Variants in DLG2 observed in about 807,000 individuals in gnomAD.
DLG2 encodes the protein discs large MAGUK scaffold protein 2.
In DLG2, 45 loss-of-function variants were observed where a neutral mutation model predicts 132.5. That is an observed-to-expected ratio of 0.34 (90% CI 0.27 to 0.44). DLG2 has a LOEUF of 0.44. DLG2 is among the 20% of genes least tolerant of loss of function. DLG2 has a pLI of 1.00. For missense variants in DLG2, 1,045 were observed against 1,196.9 expected (o/e 0.87, Z 1.87); for synonymous variants, 424 against 419.6 (o/e 1.01, Z -0.13).
chr11:85,235,207 T>C (rs2075519421), intron 4 of DLG2, among the ~76,000 whole-genome samples: 1 of 151,338 alleles, frequency 6.6e-6, no homozygotes, highest in Admixed American at 6.6e-5. Context: ...TAATAATTCA[T>C]TTCAAAAGTT....
At chr11:83,695,410 A>C (rs2081720934) in intron 18 of DLG2, among the ~76,000 whole-genome samples, 1 of 152,216 alleles carries the variant, frequency 6.6e-6, no homozygotes, top group Non-Finnish European at 1.5e-5. Flanking sequence ...GGGAGAAATT[A>C]TGTGTGGGGA....
chr11:85,556,715 A>C (rs1489329534), intron 3 of DLG2, among the ~76,000 whole-genome samples: 1 of 151,816 alleles, frequency 6.6e-6, no homozygotes, highest in Non-Finnish European at 1.5e-5. Flanking sequence ...TTTTAAGCCC[A>C]CCTATGTTCA....
intron 16 of DLG2, among the ~76,000 whole-genome samples, chr11:83,837,723 C>CAA (rs386374350): frequency 0.53 from 24,274 of 46,218 alleles, 6,820 homozygotes; most frequent in South Asian, 0.65. Context: ...ACATAGCAAG[C>CAA]AAAAAAAAAA....
chr11:83,644,767 T>A (rs1402509247), intron 18 of DLG2, among the ~76,000 whole-genome samples: 1 of 152,048 alleles, frequency 6.6e-6, no homozygotes, highest in Admixed American at 6.6e-5. Flanking sequence ...TTCTAAAAAA[T>A]TGTTCCCCTA....
intron 7 of DLG2, among the ~76,000 whole-genome samples, chr11:84,435,141 A>G (rs1337212847): frequency 1.3e-5 from 2 of 152,128 alleles, no homozygotes; most frequent in Non-Finnish European, 2.9e-5. Context: ...AGCACTTTAC[A>G]TGCCCCACTG....
chr11:84,545,334 A>T, intron 6 of DLG2: 1 of 515,892 alleles, frequency 1.9e-6, no homozygotes, highest in Non-Finnish European at 3.8e-6. Flanking sequence ...CACCTCTAAA[A>T]CTGCTTCCAT....
At chr11:83,653,180 TATC>T (rs1164885678) in intron 18 of DLG2, among the ~76,000 whole-genome samples, 1 of 152,208 alleles carries the variant, frequency 6.6e-6, no homozygotes, top group African/African-American at 2.4e-5. Flanking sequence ...TAGTCCCAAT[TATC>T]ATAATGATTT....
At chr11:83,682,626 C>T (rs1052014174) in intron 18 of DLG2, among the ~76,000 whole-genome samples, 1 of 152,126 alleles carries the variant, frequency 6.6e-6, no homozygotes, top group Non-Finnish European at 1.5e-5. Flanking sequence ...AATGCACATA[C>T]AGCAAGGCGT....
intron 10 of DLG2, among the ~76,000 whole-genome samples, chr11:84,081,221 T>G (rs188242000): frequency 1.1e-4 from 17 of 152,256 alleles, no homozygotes; most frequent in Non-Finnish European, 1.8e-4. Flanking sequence ...CAAAAATGAT[T>G]TGGGCCAAAT....
intron 16 of DLG2, among the ~76,000 whole-genome samples, chr11:83,846,589 ATCTG>A (rs1428242611): frequency 6.6e-6 from 1 of 152,156 alleles, no homozygotes; most frequent in Non-Finnish European, 1.5e-5. Flanking sequence ...AACTGCTAAG[ATCTG>A]TCTGAGTTCT....
chr11:83,571,453 A>G (rs1356472743), intron 19 of DLG2, among the ~76,000 whole-genome samples: 1 of 152,084 alleles, frequency 6.6e-6, no homozygotes, highest in African/African-American at 2.4e-5. Flanking sequence ...AACACTTTAC[A>G]TGACTTTCTG....
intron 3 of DLG2, among the ~76,000 whole-genome samples, chr11:85,446,446 A>G (rs2092013301): frequency 6.6e-6 from 1 of 152,212 alleles, no homozygotes; most frequent in Non-Finnish European, 1.5e-5. Context: ...AATTCTTGTA[A>G]TAAGATAACA....
chr11:84,882,899 G>C lies in DLG2; in HGVS notation c.357+228762C>G, dbSNP rs573292921. On this transcript the variant is annotated intron_variant, in intron 6 of 27. Transcript: ENST00000376104. ...TGACTAAATCCACACTCCTAAGTGA[G>C]AATTGTATACAGAATTTTCAATAGG... is the stretch of plus-strand genomic sequence containing the variant. Among the ~76,000 whole-genome samples the C allele has an allele frequency of 7.2e-5, 11 of 152,152 alleles. No homozygotes were observed. The South Asian group carries it at 2.3e-3, about 32-fold the overall frequency.
chr11:85,548,742 G>A lies in DLG2; in HGVS notation c.40+49915C>T, dbSNP rs552633225. Among the ~76,000 whole-genome samples, 88 of 152,216 alleles carry A rather than the reference G, an allele frequency of 5.8e-4. 2 individuals are homozygous for A. The highest frequency in any genetic ancestry group is 2.3e-3 in the South Asian group (11 of 4,818). On this transcript the variant is annotated intron_variant, in intron 3 of 27. Coordinates refer to ENST00000376104, the MANE Select transcript of DLG2 (RefSeq NM_001142699.3). ...GGCCACAGTGGCCTTGCTGAGCTGC[G>A]GTGGGCTCCCCACAATTTGAACTTC...
chr11:84,860,912 A>G (rs1348272722), intron 6 of DLG2, among the ~76,000 whole-genome samples: 11 of 152,154 alleles, frequency 7.2e-5, no homozygotes, highest in Admixed American at 4.6e-4. Flanking sequence ...TGAAAAAAAA[A>G]ATAAGCTTTG....
intron 8 of DLG2, among the ~76,000 whole-genome samples, chr11:84,248,068 A>C (rs1567058478): frequency 6.6e-6 from 1 of 152,200 alleles, no homozygotes; most frequent in Non-Finnish European, 1.5e-5. Flanking sequence ...GAGGAAAACA[A>C]AGTATAGAAC....
intron 4 of DLG2, among the ~76,000 whole-genome samples, chr11:85,232,144 T>C (rs1370118194): frequency 6.6e-6 from 1 of 151,946 alleles, no homozygotes; most frequent in African/African-American, 2.4e-5. Flanking sequence ...CCAATAAAAC[T>C]TGTCTTATAT....
At chr11:84,166,542 G>GA (rs2095670276) in intron 8 of DLG2, among the ~76,000 whole-genome samples, 1 of 133,174 alleles carries the variant, frequency 7.5e-6, no homozygotes, top group Non-Finnish European at 1.7e-5. Flanking sequence ...AAGAAAGAAA[G>GA]AAAAAAACAA....
chr11:84,843,569 C>T (rs930172055), intron 6 of DLG2, among the ~76,000 whole-genome samples: 7 of 151,810 alleles, frequency 4.6e-5, no homozygotes, highest in South Asian at 2.1e-4. Context: ...CAGGAACCCT[C>T]CCAGACACCA....
Sources: gnomAD v4.1 joint callset for allele counts (sites outside exome capture counted in the v4.1 genomes callset) on GRCh38, gnomAD v4.1.1 for gene constraint, MANE v1.5 for transcripts, NCBI Gene and HGNC (gene_info 2026-07-23, HGNC 2026-07-21) for gene names.